Variants in PGR observed in about 807,000 individuals in gnomAD.
PGR encodes nuclear receptor subfamily 3 group C member 3.
Under a neutral mutation model 76.1 loss-of-function variants are expected in PGR, and 25 were observed. That is an observed-to-expected ratio of 0.33 (90% CI 0.24 to 0.46). PGR has a LOEUF of 0.46. Among genes scored for constraint, PGR ranks in the 20% least tolerant of loss-of-function variants. The pLI is 1.00. For missense variants in PGR, 1,172 were observed against 1,225.3 expected, an observed-to-expected ratio of 0.96 and a Z score of 0.65; for synonymous variants, 579 against 535.0, an observed-to-expected ratio of 1.08 and a Z score of -1.14.
chr11:101,079,421 C>CA (rs141102184), intron 3 of PGR, among the ~76,000 whole-genome samples: 24,209 of 143,336 alleles, frequency 0.17, 3,327 homozygotes, highest in East Asian at 0.79. Context: ...AGCTCAATAG[C>CA]AAAAAAAAAA....
chr11:101,034,108 A>C lies in PGR; in HGVS notation c.*5008T>G. The C allele has an allele frequency of 4.3e-6, 1 of 230,964 alleles. No homozygotes were observed. The allele number at this position is 230,964 out of a possible 1,614,324, so 14.3% of individuals were successfully genotyped here. On this transcript the variant is annotated 3_prime_UTR_variant, in exon 8 of 8. Coordinates refer to ENST00000325455, the MANE Select transcript of PGR (RefSeq NM_000926.4). ...TTAGCTGCCTGATTCACATTTCTCT[A>C]AAAATGCTTTATCGGTTAAAGCTTT... is the stretch of plus-strand genomic sequence containing the variant.
intron 6 of PGR, among the ~76,000 whole-genome samples, chr11:101,048,909 T>A (rs1859986865): frequency 6.6e-6 from 1 of 151,950 alleles, no homozygotes; most frequent in Admixed American, 6.6e-5. Flanking sequence ...CAAGGTACAG[T>A]TCTCTTTCTT....
At chr11:101,074,204 A>G (rs530803722) in intron 3 of PGR, among the ~76,000 whole-genome samples, 25 of 152,284 alleles carry the variant, frequency 1.6e-4, no homozygotes, top group Middle Eastern at 3.4e-3. Flanking sequence ...TCCATCACAT[A>G]AACAGAACCA....
intron 2 of PGR, among the ~76,000 whole-genome samples, chr11:101,125,050 AC>A (rs2135508780): frequency 6.6e-6 from 1 of 152,224 alleles, no homozygotes; most frequent in South Asian, 2.1e-4. Context: ...AGAACAGGAA[AC>A]AAAAAGCCAA....
intron 2 of PGR, among the ~76,000 whole-genome samples, chr11:101,124,796 T>C (rs1862788259): frequency 1.3e-5 from 2 of 152,188 alleles, no homozygotes; most frequent in Non-Finnish European, 1.5e-5. Flanking sequence ...TTTTCTCAAG[T>C]ACCACTTTTA....
intron 3 of PGR, among the ~76,000 whole-genome samples, chr11:101,083,693 G>A (rs73571770): frequency 2.6e-4 from 40 of 152,182 alleles, no homozygotes; most frequent in African/African-American, 9.2e-4. Flanking sequence ...ACTTGCTTGG[G>A]GCCTGTATCT....
At position 101,036,043 on chromosome 11, in the gene PGR, T is replaced by C. The variant is rs11224562; in HGVS notation, c.*3073A>G. 8 of 224,362 alleles carry C rather than the reference T, an allele frequency of 3.6e-5. No homozygotes were observed. Among genetic ancestry groups the C allele is most frequent in the East Asian group, 3.2e-4 (5 of 15,406 alleles). The allele number at this position is 224,362 out of a possible 1,614,324, so 13.9% of individuals were successfully genotyped here. ...AATCAGAGCAGTTAAATGACTTGCT[T>C]AATCTCATCCAGCTAGTAAGTGGCA... is the stretch of plus-strand genomic sequence containing the variant. On this transcript the variant is annotated 3_prime_UTR_variant, in exon 8 of 8. Coordinates refer to ENST00000325455, the MANE Select transcript of PGR (RefSeq NM_000926.4).
intron 3 of PGR, among the ~76,000 whole-genome samples, chr11:101,073,063 C>CTT (rs1257779365): frequency 1.3e-5 from 2 of 152,130 alleles, no homozygotes; most frequent in African/African-American, 4.8e-5. Flanking sequence ...AAATTGACCA[C>CTT]ATAATTGGAA....
intron 2 of PGR, among the ~76,000 whole-genome samples, chr11:101,095,405 A>T (rs1329903764): frequency 2.0e-5 from 3 of 152,222 alleles, no homozygotes; most frequent in African/African-American, 7.2e-5. Flanking sequence ...ATAAAAGAAC[A>T]ACAGACAATT....
chr11:101,118,716 A>G (rs1289848084), intron 2 of PGR, among the ~76,000 whole-genome samples: 2 of 152,224 alleles, frequency 1.3e-5, no homozygotes, highest in African/African-American at 4.8e-5. Context: ...AAAAAGCATA[A>G]TATCTCATCA....
At position 101,064,365 on chromosome 11, in the gene PGR, A is replaced by C. The variant is rs1389287654; in HGVS notation, c.1907-1613T>G. Among the ~76,000 whole-genome samples the C allele has an allele frequency of 3.4e-5, 5 of 147,870 alleles. 1 individual carries two copies. The highest frequency in any genetic ancestry group is 1.3e-4 in the Admixed American group (2 of 14,892). On this transcript the variant is annotated intron_variant, in intron 3 of 7. Coordinates refer to ENST00000325455, the MANE Select transcript of PGR (RefSeq NM_000926.4). ...AAAAAAAAAAAAAAAAAAAAAAAAAAAAAAAACAGCCCCAACGAGTTGAGC... is the reference window on the plus strand; with the variant it reads ...AAAAAAAAAAAAAAAAAAAAAAAAACAAAAAACAGCCCCAACGAGTTGAGC...
chr11:101,128,025 G>A lies in PGR; in HGVS notation c.1046C>T (p.Ser349Leu), dbSNP rs749674024. 1.2e-6 allele frequency: 2 copies of A among 1,608,634 alleles called. No homozygotes were observed. The highest frequency in any genetic ancestry group is 8.5e-7 in the Non-Finnish European group (1 of 1,179,808). Reference sequence around the variant, plus strand: ...GTCGCCTACAGCGACCGGGGTGGACGAGGCACAGGGTGAACTCCGCGGCGG... The same window carrying A: ...GTCGCCTACAGCGACCGGGGTGGACAAGGCACAGGGTGAACTCCGCGGCGG... ...FAPPRSSPCASSTPVAVGDFP... is the reference protein window; with the variant it reads ...FAPPRSSPCALSTPVAVGDFP... Residue 349 changes from serine to leucine, a missense_variant, in exon 1 of 8, where the codon TCG (serine) becomes TTG (leucine). Coordinates refer to ENST00000325455, the MANE Select transcript of PGR (RefSeq NM_000926.4).
At position 101,075,819 on chromosome 11, in the gene PGR, T is replaced by G. The variant is rs376482417; in HGVS notation, c.1907-13067A>C. On this transcript the variant is annotated intron_variant, in intron 3 of 7. Coordinates refer to ENST00000325455, the MANE Select transcript of PGR (RefSeq NM_000926.4). The stretch of plus-strand genomic sequence containing the variant: ...TGACCATTAAAAACTCAGGAAACAA[T>G]AGATGCCGGAAAAGATGTGGAGAAA... Among the ~76,000 whole-genome samples the G allele has an allele frequency of 1.7e-4, 26 of 152,050 alleles. 1 individual carries two copies. The South Asian group carries it at 5.4e-3, about 32-fold the overall frequency.
intron 2 of PGR, among the ~76,000 whole-genome samples, chr11:101,105,941 A>G (rs1171867486): frequency 1.3e-5 from 2 of 152,198 alleles, no homozygotes; most frequent in African/African-American, 4.8e-5. Flanking sequence ...CAACCATCTG[A>G]TCTTTGACAA....
At chr11:101,097,158 G>A (rs1591411018) in intron 2 of PGR, among the ~76,000 whole-genome samples, 1 of 152,002 alleles carries the variant, frequency 6.6e-6, no homozygotes, top group African/African-American at 2.4e-5. Context: ...GAAAGCAGGG[G>A]GTGAGTTCAA....
At chr11:101,039,356 AC>A in intron 7 of PGR, 85 bp from the exon 8 acceptor site, 2 of 999,176 alleles carry the variant, frequency 2.0e-6, no homozygotes, top group Non-Finnish European at 3.1e-6. Flanking sequence ...TATTTTTCTA[AC>A]TATTTATAAT....
intron 4 of PGR, among the ~76,000 whole-genome samples, chr11:101,060,839 A>G (rs952077611): frequency 6.6e-6 from 1 of 152,200 alleles, no homozygotes; most frequent in Admixed American, 6.5e-5. Flanking sequence ...ACCAAATTCA[A>G]TGTAAGAGTT....
rs191973871 is a variant in PGR, at chr11:101,089,523, T to C, written c.1906+2237A>G. Among the ~76,000 whole-genome samples the C allele has an allele frequency of 5.8e-4, 88 of 152,326 alleles. 1 individual carries two copies. The highest frequency in any genetic ancestry group is 4.9e-3 in the Admixed American group (75 of 15,298). On this transcript the variant is annotated intron_variant, in intron 3 of 7. Coordinates refer to ENST00000325455, the MANE Select transcript of PGR (RefSeq NM_000926.4). ...ATCATTATTTGACATGTACATTTGT[T>C]GCTCGTCCTCCCACAGTGTAAGATC...
chr11:101,091,652 G>C, intron 3 of PGR, 108 bp downstream of exon 3: 2 of 734,576 alleles, frequency 2.7e-6, no homozygotes, highest in South Asian at 2.9e-5. Context: ...CAATAATCAA[G>C]ACAGAAAAAA....
Sources: allele counts gnomAD v4.1 joint callset (sites outside exome capture counted in the v4.1 genomes callset), GRCh38; gene constraint gnomAD v4.1.1; transcripts MANE v1.5; gene names NCBI Gene and HGNC (gene_info 2026-07-23, HGNC 2026-07-21).